The following CERS6 variants were observed in gnomAD, a reference collection of about 807,000 sequenced individuals.
CERS6 encodes ceramide synthase 6.
In CERS6, 26 loss-of-function variants were observed where a neutral mutation model predicts 56.8. The observed-to-expected ratio is 0.46, with a 90% confidence interval of 0.34 to 0.63. The LOEUF (loss-of-function observed/expected upper bound fraction) is 0.63, where lower values mean the gene tolerates loss of function less well. Among genes scored for constraint, CERS6 ranks in the 30% least tolerant of loss-of-function variants. CERS6 has a pLI of 0.01. For synonymous variants in CERS6, 164 were observed against 173.3 expected, an observed-to-expected ratio of 0.95 and a Z score of 0.42; for missense variants, 415 against 467.5, an observed-to-expected ratio of 0.89 and a Z score of 1.04.
intron 4 of CERS6, among the ~76,000 whole-genome samples, chr2:168,637,944 A>G (rs182604825): frequency 3.9e-5 from 6 of 152,288 alleles, no homozygotes; most frequent in East Asian, 3.9e-4. Context: ...AAGACTATAC[A>G]TAGGATTAGG....
At chr2:168,582,959 A>G (rs988100739) in intron 3 of CERS6, 3 of 154,346 alleles carry the variant, frequency 1.9e-5, no homozygotes, top group African/African-American at 7.2e-5. Context: ...GTTGTCTGGT[A>G]TGTAGTAGGT....
intron 1 of CERS6, among the ~76,000 whole-genome samples, chr2:168,526,021 C>T (rs1695065301): frequency 6.6e-6 from 1 of 152,150 alleles, no homozygotes; most frequent in Non-Finnish European, 1.5e-5. Flanking sequence ...AGTGTGCTTT[C>T]TAATGATGCC....
intron 4 of CERS6, among the ~76,000 whole-genome samples, chr2:168,667,593 T>A (rs372797024): frequency 3.7e-4 from 57 of 152,306 alleles, no homozygotes; most frequent in African/African-American, 9.6e-4. Flanking sequence ...TCTTTTTTTT[T>A]AAATATGTTC....
intron 4 of CERS6, among the ~76,000 whole-genome samples, chr2:168,660,174 G>T (rs932625687): frequency 1.3e-5 from 2 of 152,146 alleles, no homozygotes; most frequent in African/African-American, 2.4e-5. Flanking sequence ...CTGTATGTAG[G>T]GGCTCTGGGT....
At chr2:168,733,611 G>A (rs1574202493) in intron 8 of CERS6, among the ~76,000 whole-genome samples, 1 of 152,306 alleles carries the variant, frequency 6.6e-6, no homozygotes, top group East Asian at 1.9e-4. Context: ...TTAACCAAAT[G>A]CGTATCTTAC....
intron 7 of CERS6, among the ~76,000 whole-genome samples, chr2:168,715,604 A>G (rs11692394): frequency 0.35 from 52,626 of 151,982 alleles, 11,559 homozygotes; most frequent in Non-Finnish European, 0.49. Flanking sequence ...TTATGTAGAA[A>G]CTATGTTTTC....
At chr2:168,650,635 CTGAT>C (rs1269533125) in intron 4 of CERS6, among the ~76,000 whole-genome samples, 3 of 151,526 alleles carry the variant, frequency 2.0e-5, no homozygotes, top group Non-Finnish European at 2.9e-5. Flanking sequence ...AAGGCAGTAT[CTGAT>C]TGCTTTTATC....
intron 3 of CERS6, among the ~76,000 whole-genome samples, chr2:168,592,528 G>A (rs1683696713): frequency 6.6e-6 from 1 of 152,186 alleles, no homozygotes; most frequent in South Asian, 2.1e-4. Context: ...TTAACCAGCA[G>A]CATGCAGCAT....
chr2:168,712,562 G>A (rs1366001482), intron 6 of CERS6, among the ~76,000 whole-genome samples: 6 of 152,132 alleles, frequency 3.9e-5, no homozygotes, highest in South Asian at 2.1e-4. Flanking sequence ...ATGCTACGTA[G>A]AACAGTTACA....
chr2:168,520,379 T>A (rs190952172), intron 1 of CERS6, among the ~76,000 whole-genome samples: 10 of 152,256 alleles, frequency 6.6e-5, no homozygotes, highest in African/African-American at 2.4e-4. Context: ...TTCTATAGGT[T>A]GTCTGTTTAC....
rs139021673 is a variant in CERS6, at chr2:168,628,307, G to A, written c.408-2678G>A. 2.2e-4 allele frequency among the ~76,000 whole-genome samples: 34 copies of A among 152,206 alleles called. 1 individual carries two copies. Among genetic ancestry groups the A allele is most frequent in the African/African-American group, 7.9e-4 (33 of 41,536 alleles). On this transcript the variant is annotated intron_variant, in intron 3 of 9. Coordinates refer to ENST00000305747, the MANE Select transcript of CERS6 (RefSeq NM_203463.3). ...AGAGGGGATGTGTGGATTGCCCTCAGCCCCACTCTCTCTCCTCCTGTTTGT... is the reference window on the plus strand; with the variant it reads ...AGAGGGGATGTGTGGATTGCCCTCAACCCCACTCTCTCTCCTCCTGTTTGT...
intron 3 of CERS6, among the ~76,000 whole-genome samples, chr2:168,623,481 T>A (rs570634515): frequency 6.9e-5 from 10 of 144,882 alleles, no homozygotes; most frequent in African/African-American, 2.6e-4. Flanking sequence ...GAAAAAAAAA[T>A]GCCGTGTTAC....
At chr2:168,735,855 T>C (rs888409669) in intron 8 of CERS6, among the ~76,000 whole-genome samples, 1 of 126,160 alleles carries the variant, frequency 7.9e-6, no homozygotes, top group African/African-American at 3.1e-5. Context: ...GCACTCTGCC[T>C]AGGAGACAGA....
chr2:168,495,963 G>C (rs368874129), intron 1 of CERS6, among the ~76,000 whole-genome samples: 2 of 152,140 alleles, frequency 1.3e-5, no homozygotes, highest in African/African-American at 4.8e-5. Flanking sequence ...TCTCCCTGGG[G>C]ATAACCACTA....
At chr2:168,614,176 A>G (rs1684255016) in intron 3 of CERS6, among the ~76,000 whole-genome samples, 1 of 152,222 alleles carries the variant, frequency 6.6e-6, no homozygotes, top group African/African-American at 2.4e-5. Context: ...AGTCTGTGCA[A>G]CTACATTTGT....
chr2:168,738,672 A>G (rs1249716708), intron 8 of CERS6, among the ~76,000 whole-genome samples: 1 of 152,196 alleles, frequency 6.6e-6, no homozygotes, highest in Non-Finnish European at 1.5e-5. Flanking sequence ...TTGTTGGTCA[A>G]AGAAAATGTC....
At chr2:168,766,274 GTGACATTT>G in intron 9 of CERS6, 1 of 1,577,428 alleles carries the variant, frequency 6.3e-7, no homozygotes, top group South Asian at 1.1e-5. Context: ...ATCATTCTCT[GTGACATTT>G]TCTTACTTGT....
intron 1 of CERS6, among the ~76,000 whole-genome samples, chr2:168,529,030 G>A (rs1695119993): frequency 1.3e-5 from 2 of 152,254 alleles, no homozygotes; most frequent in Admixed American, 6.5e-5. Context: ...TAGGGTGAGG[G>A]GTTATGGAGA....
chr2:168,542,592 T>C (rs2105369504), intron 1 of CERS6, among the ~76,000 whole-genome samples: 1 of 152,384 alleles, frequency 6.6e-6, no homozygotes, highest in South Asian at 2.1e-4. Context: ...TTAAATATTT[T>C]AAAGTAGTTA....
Sources: allele counts gnomAD v4.1 joint callset (sites outside exome capture counted in the v4.1 genomes callset), GRCh38; gene constraint gnomAD v4.1.1; transcripts MANE v1.5; gene names NCBI Gene and HGNC (gene_info 2026-07-23, HGNC 2026-07-21).